The following LRRK1 variants were observed in gnomAD, a reference collection of about 807,000 sequenced individuals.
The protein encoded by LRRK1 is leucine-rich repeat serine/threonine-protein kinase 1.
A neutral mutation model predicts 209.1 loss-of-function variants in LRRK1; 113 were observed. That is an observed-to-expected ratio of 0.54 (90% CI 0.46 to 0.63). The LOEUF (loss-of-function observed/expected upper bound fraction) is 0.63, where lower values mean the gene tolerates loss of function less well. LRRK1 is among the 30% of genes least tolerant of loss of function. LRRK1 has a pLI of 0.00. For synonymous variants in LRRK1, 1,144 were observed against 1,099.7 expected (o/e 1.04, Z -0.80); for missense variants, 2,284 against 2,632.2 (o/e 0.87, Z 2.89).
At chr15:100,935,789 G>A (rs1222068897) in intron 2 of LRRK1, among the ~76,000 whole-genome samples, 1 of 152,160 alleles carries the variant, frequency 6.6e-6, no homozygotes, top group African/African-American at 2.4e-5. Context: ...TGTGGGTCAG[G>A]AATCTAGGCA....
chr15:101,065,403 C>T lies in LRRK1; in HGVS notation c.4966C>T (p.Pro1656Ser), dbSNP rs74775581. 5.6e-6 allele frequency: 9 copies of T among 1,614,084 alleles called. 1 individual carries two copies. In the South Asian group the frequency reaches 9.9e-5, roughly 18 times the overall value. Residue 1656 changes from proline to serine, a missense_variant, in exon 32 of 34, where the codon CCC becomes TCC. Transcript: ENST00000388948. ...CGCCGATGGGCTTGTGGCTGTGTTT[C>T]CCGTGGTGCGGGGCACCCCAAAGGA... ...GLADGLVAVFPVVRGTPKDSC... is the reference protein window; with the variant it reads ...GLADGLVAVFSVVRGTPKDSC...
chr15:100,945,526 C>G (rs957377036), intron 2 of LRRK1, among the ~76,000 whole-genome samples: 1 of 105,018 alleles, frequency 9.5e-6, no homozygotes, highest in Non-Finnish European at 1.7e-5. Context: ...CAGAGTCTTG[C>G]TCTGTCACTC....
chr15:100,949,571 A>T (rs1442979117), intron 2 of LRRK1, among the ~76,000 whole-genome samples: 1 of 152,078 alleles, frequency 6.6e-6, no homozygotes, highest in Non-Finnish European at 1.5e-5. Context: ...AAAAGATCTC[A>T]CAGGAAAACT....
intron 10 of LRRK1, among the ~76,000 whole-genome samples, chr15:101,013,957 C>T (rs759478738): frequency 3.3e-5 from 5 of 152,178 alleles, no homozygotes; most frequent in Non-Finnish European, 4.4e-5. Context: ...CAGCCGTGAG[C>T]CGTTGTCCTC....
chr15:100,981,387 T>C (rs1177917511), intron 3 of LRRK1, among the ~76,000 whole-genome samples: 2 of 152,226 alleles, frequency 1.3e-5, no homozygotes, highest in Non-Finnish European at 2.9e-5. Flanking sequence ...CTACTGGGCC[T>C]CACCCTGGGC....
chr15:100,956,747 G>A lies in LRRK1; in HGVS notation c.98-17057G>A, dbSNP rs927287853. Among the ~76,000 whole-genome samples the A allele has an allele frequency of 6.6e-5, 10 of 152,006 alleles. 1 individual carries two copies. Among genetic ancestry groups the A allele is most frequent in the Non-Finnish European group, 2.9e-5 (2 of 67,984 alleles). On this transcript the variant is annotated intron_variant, in intron 2 of 33. Coordinates refer to ENST00000388948, the MANE Select transcript of LRRK1 (RefSeq NM_024652.6). The stretch of plus-strand genomic sequence containing the variant: ...CAAAGTGCTGGGATTGCAGGCGTGA[G>A]CCACCATGACCAGCCTGATCTTTTC...
rs148163491 is a variant in LRRK1 at position 100,930,528 on chromosome 15, T to G, written c.97+5799T>G. Among the ~76,000 whole-genome samples the G allele has an allele frequency of 5.4e-4, 82 of 152,194 alleles. 3 individuals are homozygous for G. In the East Asian group the frequency reaches 0.012, roughly 23 times the overall value. ...CCCAGTCCTCACCCCCTCCCTGGCC[T>G]CCCCCACCCCACACTTGCTCCTGAC... On this transcript the variant is annotated intron_variant, in intron 2 of 33. Coordinates refer to ENST00000388948, the MANE Select transcript of LRRK1 (RefSeq NM_024652.6).
intron 6 of LRRK1, among the ~76,000 whole-genome samples, chr15:101,003,663 T>C (rs903287041): frequency 6.6e-6 from 1 of 151,942 alleles, no homozygotes; most frequent in Non-Finnish European, 1.5e-5. Flanking sequence ...GAGAACAGTA[T>C]GGGGGAAACC....
At position 101,039,944 on chromosome 15, in the gene LRRK1, T is replaced by C. The variant is rs374951831; in HGVS notation, c.2964-6037T>C. 1.6e-4 allele frequency among the ~76,000 whole-genome samples: 24 copies of C among 152,328 alleles called. 2 individuals carry two copies. Among genetic ancestry groups the C allele is most frequent in the East Asian group, 5.8e-4 (3 of 5,190 alleles). On this transcript the variant is annotated intron_variant, in intron 20 of 33. Coordinates refer to ENST00000388948, the MANE Select transcript of LRRK1 (RefSeq NM_024652.6). ...CATACCAAGTGTTCATGATTTATTA[T>C]CTTTTTTATCTAATGCTAGATTTCA...
At chr15:101,008,273 G>A (rs1233260543) in intron 6 of LRRK1, among the ~76,000 whole-genome samples, 1 of 151,800 alleles carries the variant, frequency 6.6e-6, no homozygotes, top group Non-Finnish European at 1.5e-5. Flanking sequence ...GTGGGCCAGA[G>A]TTCTGTTTTT....
chr15:101,024,889 C>T lies in LRRK1; in HGVS notation c.2154C>T (p.Ala718=). 1 of 1,614,134 alleles carries T rather than the reference C, an allele frequency of 6.2e-7. No homozygotes were observed. The highest frequency in any genetic ancestry group is 1.1e-5 in the South Asian group (1 of 91,078). Residue 718 remains alanine, a synonymous_variant, in exon 16 of 34, where the codon GCC becomes GCT. Coordinates refer to ENST00000388948, the MANE Select transcript of LRRK1 (RefSeq NM_024652.6). The surrounding 1 kb of genome is among the most constrained non-coding windows in gnomAD (Gnocchi z 4.6). ...ACCAGTGCTTCTTCACGGACAAGGC[C>T]CTGTACGTGGTGGTCTGGAACCTGG... The part of the protein sequence containing the change: ...TVNQCFFTDK[A]LYVVVWNLAL...
At position 101,024,781 on chromosome 15, in the gene LRRK1, C is replaced by G; in HGVS notation, c.2068-22C>G. The G allele has an allele frequency of 6.2e-7, 1 of 1,601,124 alleles. No individual in the cohort carries two copies. Among genetic ancestry groups the G allele is most frequent in the South Asian group, 1.1e-5 (1 of 90,712 alleles). On this transcript the variant is annotated intron_variant, in intron 15 of 33. Transcript: ENST00000388948. This position sits in a 1 kb window ranked among gnomAD's most constrained non-coding sequence, Gnocchi z 4.6. ...CTTTGTCTCTAAAATGCCTCCCTGTCGCTGCCTTGTTGCTCAAGTAGGTTG... is the reference window on the plus strand; with the variant it reads ...CTTTGTCTCTAAAATGCCTCCCTGTGGCTGCCTTGTTGCTCAAGTAGGTTG...
intron 6 of LRRK1, among the ~76,000 whole-genome samples, chr15:100,996,134 C>A (rs547963289): frequency 6.6e-6 from 1 of 152,222 alleles, no homozygotes; most frequent in Non-Finnish European, 1.5e-5. Context: ...TCCTGAGGGA[C>A]ACCTGAGGCC....
intron 19 of LRRK1, among the ~76,000 whole-genome samples, chr15:101,028,206 C>A (rs1052312602): frequency 6.6e-6 from 1 of 152,228 alleles, no homozygotes; most frequent in Non-Finnish European, 1.5e-5. Context: ...TGGGCTCCTG[C>A]GAGCCTCTGG....
In LRRK1 at chr15:101,027,514, G is replaced by A; in HGVS notation, c.2527-124G>A. The A allele has an allele frequency of 1.3e-6, 2 of 1,503,344 alleles. No individual in the cohort carries two copies. The highest frequency in any genetic ancestry group is 9.0e-7 in the Non-Finnish European group (1 of 1,115,390). The allele number at this position is 1,503,344 out of a possible 1,614,324, so 93.1% of individuals were successfully genotyped here. On this transcript the variant is annotated intron_variant, in intron 18 of 33. Coordinates refer to ENST00000388948, the MANE Select transcript of LRRK1 (RefSeq NM_024652.6). This position sits in a 1 kb window ranked among gnomAD's most constrained non-coding sequence, Gnocchi z 5.1. ...GGTGGTTCCTGGTGAGGGAGGGTCAGGATGGAAGATAGTGGGTGGAAACGT... is the reference window on the plus strand; with the variant it reads ...GGTGGTTCCTGGTGAGGGAGGGTCAAGATGGAAGATAGTGGGTGGAAACGT...
chr15:101,023,067 A>G (rs1002733081), intron 15 of LRRK1, among the ~76,000 whole-genome samples: 3 of 151,704 alleles, frequency 2.0e-5, no homozygotes, highest in African/African-American at 7.3e-5. Flanking sequence ...GGGATAAGGC[A>G]CCCCCAGGGC....
intron 2 of LRRK1, among the ~76,000 whole-genome samples, chr15:100,932,507 T>C (rs2042230505): frequency 6.6e-6 from 1 of 152,162 alleles, no homozygotes; most frequent in Non-Finnish European, 1.5e-5. Flanking sequence ...ACCTTTTGCT[T>C]CTAAGAGTTG....
rs1011016000 is a variant in LRRK1 at position 101,069,908 on chromosome 15, A to G, written c.*1060A>G. On this transcript the variant is annotated 3_prime_UTR_variant, in exon 34 of 34. Coordinates refer to ENST00000388948, the MANE Select transcript of LRRK1 (RefSeq NM_024652.6). ...CACATGCACACACATATGCACACAC[A>G]TGTGCAAACATAGCCACTTTTTTGT... 2 of 152,240 alleles carry G rather than the reference A, an allele frequency of 1.3e-5. No individual in the cohort carries two copies. Among genetic ancestry groups the G allele is most frequent in the Non-Finnish European group, 2.9e-5 (2 of 68,046 alleles). The allele number at this position is 152,240 out of a possible 1,614,324, so 9.4% of individuals were successfully genotyped here.
intron 20 of LRRK1, among the ~76,000 whole-genome samples, chr15:101,033,090 C>T (rs1255466924): frequency 1.3e-5 from 2 of 152,162 alleles, no homozygotes; most frequent in African/African-American, 2.4e-5. Flanking sequence ...GAAGAAAATC[C>T]ATTTTCTTAT....
Sources: allele counts gnomAD v4.1 joint callset (sites outside exome capture counted in the v4.1 genomes callset), GRCh38; gene constraint gnomAD v4.1.1; non-coding constraint Gnocchi (gnomAD v3.1); transcripts MANE v1.5; gene names NCBI Gene and HGNC (gene_info 2026-07-23, HGNC 2026-07-21).